CRIM1: variants seen among roughly 807,000 people sequenced by gnomAD.
CRIM1 encodes cysteine rich transmembrane BMP regulator 1.
A neutral mutation model predicts 116.4 loss-of-function variants in CRIM1; 32 were observed. That is an observed-to-expected ratio of 0.27 (90% CI 0.21 to 0.37). The LOEUF (loss-of-function observed/expected upper bound fraction) is 0.37. Among genes scored for constraint, CRIM1 ranks in the 10% least tolerant of loss-of-function variants. The pLI, the probability that CRIM1 is intolerant of heterozygous loss-of-function variation, is 1.00. For synonymous variants in CRIM1, 590 were observed against 509.2 expected (o/e 1.16, Z -2.13); for missense variants, 1,331 against 1,354.8 (o/e 0.98, Z 0.28).
At chr2:36,373,032 A>G (rs940127746) in intron 1 of CRIM1, among the ~76,000 whole-genome samples, 2 of 152,220 alleles carry the variant, frequency 1.3e-5, no homozygotes, top group African/African-American at 4.8e-5. Context: ...ATCTGTTCCC[A>G]GACTTCCTAG....
Position 36,540,455 on chromosome 2 carries a change from CTGT to C in CRIM1, c.2623+2910_2623+2912del, listed in dbSNP as rs1666870931. On this transcript the variant is annotated intron_variant, in intron 14 of 16. Transcript: ENST00000280527. ...AGCTAGATTTTAAAGGACAGATGTGCTGTCTTCATTGGAGTGAAGAGGATAACC... is the reference window on the plus strand; with the variant it reads ...AGCTAGATTTTAAAGGACAGATGTGCCTTCATTGGAGTGAAGAGGATAACC... Among the ~76,000 whole-genome samples, 4 of 152,142 alleles carry C rather than the reference CTGT, an allele frequency of 2.6e-5. No homozygotes were observed. The South Asian group carries it at 8.3e-4, about 32-fold the overall frequency.
intron 5 of CRIM1, among the ~76,000 whole-genome samples, chr2:36,469,333 A>G (rs536286812): frequency 7.2e-5 from 11 of 152,316 alleles, no homozygotes; most frequent in African/African-American, 2.6e-4. Context: ...GTTTTGTGCC[A>G]TTTGAAATAC....
At chr2:36,370,253 C>T (rs760595310) in intron 1 of CRIM1, among the ~76,000 whole-genome samples, 50 of 148,450 alleles carry the variant, frequency 3.4e-4, no homozygotes, top group South Asian at 1.3e-3. Context: ...TTTGACCTTA[C>T]GCAGAAACTT....
intron 14 of CRIM1, among the ~76,000 whole-genome samples, chr2:36,537,763 G>A (rs1034459201): frequency 7.9e-5 from 12 of 152,110 alleles, no homozygotes; most frequent in Non-Finnish European, 1.5e-4. Flanking sequence ...AGAATTCCTC[G>A]GGTTCTTTTC....
At chr2:36,419,090 C>T (rs1347930806) in intron 2 of CRIM1, among the ~76,000 whole-genome samples, 1 of 152,196 alleles carries the variant, frequency 6.6e-6, no homozygotes, top group African/African-American at 2.4e-5. Context: ...TAAATGCTAG[C>T]ATTTTTAAAG....
At chr2:36,363,700 A>G (rs1669401147) in intron 1 of CRIM1, among the ~76,000 whole-genome samples, 1 of 152,068 alleles carries the variant, frequency 6.6e-6, no homozygotes, top group South Asian at 2.1e-4. Flanking sequence ...TTTGGGGAGG[A>G]GGCGGGAACC....
intron 5 of CRIM1, among the ~76,000 whole-genome samples, chr2:36,470,481 A>C (rs975043323): frequency 2.0e-5 from 3 of 152,206 alleles, no homozygotes; most frequent in African/African-American, 7.2e-5. Flanking sequence ...AATGCAGCTG[A>C]TAACTTTAAG....
chr2:36,389,313 G>A (rs1203611057), intron 1 of CRIM1, among the ~76,000 whole-genome samples: 5 of 152,108 alleles, frequency 3.3e-5, no homozygotes, highest in Non-Finnish European at 5.9e-5. Flanking sequence ...AGAACGGAAT[G>A]CCTGATAACA....
intron 4 of CRIM1, among the ~76,000 whole-genome samples, chr2:36,444,324 A>G (rs1572744985): frequency 6.6e-6 from 1 of 152,182 alleles, no homozygotes; most frequent in Admixed American, 6.5e-5. Context: ...AAACTTTCCC[A>G]CAACTAGTGA....
Position 36,550,068 on chromosome 2 carries a change from C to CGT in CRIM1, c.*1368_*1369insTG, listed in dbSNP as rs1381910744. On this transcript the variant is annotated 3_prime_UTR_variant, in exon 17 of 17. Coordinates refer to ENST00000280527, the MANE Select transcript of CRIM1 (RefSeq NM_016441.3). ...GTGTGTGTGTGTGTGTGTGTGTGTGCGCGCGCACGCACGCCTTGAGCAGTC... is the reference window on the plus strand; with the variant it reads ...GTGTGTGTGTGTGTGTGTGTGTGTGCGTGCGCGCACGCACGCCTTGAGCAGTC... The CGT allele has an allele frequency of 4.0e-4, 57 of 141,740 alleles. No individual in the cohort carries two copies. The highest frequency in any genetic ancestry group is 1.4e-3 in the African/African-American group (50 of 36,766). The allele number at this position is 141,740 out of a possible 1,614,324, so 8.8% of individuals were successfully genotyped here.
chr2:36,518,781 T>A (rs527324480), intron 12 of CRIM1, among the ~76,000 whole-genome samples: 2 of 152,352 alleles, frequency 1.3e-5, no homozygotes, highest in South Asian at 4.1e-4. Flanking sequence ...TTTGTTAATA[T>A]ATAGCAGTGA....
At chr2:36,389,200 G>A (rs1381277399) in intron 1 of CRIM1, among the ~76,000 whole-genome samples, 3 of 152,180 alleles carry the variant, frequency 2.0e-5, no homozygotes, top group East Asian at 1.9e-4. Context: ...ACTGATTGCG[G>A]CACAAGGAAG....
chr2:36,416,184 GGT>G (rs770670639), intron 2 of CRIM1, among the ~76,000 whole-genome samples: 23 of 151,150 alleles, frequency 1.5e-4, no homozygotes, highest in Non-Finnish European at 2.8e-4. Flanking sequence ...CTCCAGTCTG[GGT>G]GATAGGGTGG....
intron 11 of CRIM1, among the ~76,000 whole-genome samples, chr2:36,516,055 G>T (rs1295999337): frequency 1.3e-5 from 2 of 152,162 alleles, no homozygotes; most frequent in Admixed American, 1.3e-4. Flanking sequence ...TCAGTTTTCT[G>T]TGATACTGTC....
intron 13 of CRIM1, among the ~76,000 whole-genome samples, chr2:36,524,490 T>C (rs1018867137): frequency 6.6e-6 from 1 of 152,150 alleles, no homozygotes; most frequent in African/African-American, 2.4e-5. Context: ...GCTTTAATAC[T>C]AAAGGAAATA....
chr2:36,547,238 T>C, intron 16 of CRIM1, 67 bp downstream of exon 16: 1 of 1,321,306 alleles, frequency 7.6e-7, no homozygotes, highest in Non-Finnish European at 1.1e-6. Flanking sequence ...ATATTGAAAT[T>C]GCTTGAAACC....
At chr2:36,370,448 G>A (rs1221679947) in intron 1 of CRIM1, among the ~76,000 whole-genome samples, 2 of 152,126 alleles carry the variant, frequency 1.3e-5, no homozygotes, top group Admixed American at 6.6e-5. Flanking sequence ...GTCTATTCAG[G>A]AAATTGTATT....
chr2:36,480,403 A>G (rs1679317789), intron 7 of CRIM1, among the ~76,000 whole-genome samples: 1 of 152,214 alleles, frequency 6.6e-6, no homozygotes, highest in South Asian at 2.1e-4. Flanking sequence ...AAGGGCTTGA[A>G]TATTTGTACA....
rs1667618863 is a variant in CRIM1 at position 36,549,791 on chromosome 2, C to CTATCT, written c.*1094_*1098dup. 1 of 151,740 alleles carries CTATCT rather than the reference C, an allele frequency of 6.6e-6. No individual in the cohort carries two copies. The highest frequency in any genetic ancestry group is 6.6e-5 in the Admixed American group (1 of 15,196). The allele number at this position is 151,740 out of a possible 1,614,324, so 9.4% of individuals were successfully genotyped here. ...AGCAATTATAGGAGTATTTATGTAA[C>CTATCT]TATCTTATGCTTCAAAAAACAAAAG... is the stretch of plus-strand genomic sequence containing the variant. On this transcript the variant is annotated 3_prime_UTR_variant, in exon 17 of 17. Transcript: ENST00000280527.
Sources: gnomAD v4.1 joint callset for allele counts (sites outside exome capture counted in the v4.1 genomes callset) on GRCh38, gnomAD v4.1.1 for gene constraint, MANE v1.5 for transcripts, NCBI Gene and HGNC (gene_info 2026-07-23, HGNC 2026-07-21) for gene names.